TRPM3: variants seen among roughly 807,000 people sequenced by gnomAD.
TRPM3 encodes transient receptor potential cation channel subfamily M member 3.
A neutral mutation model predicts 181.2 loss-of-function variants in TRPM3; 77 were observed. The observed-to-expected ratio is 0.42, with a 90% CI of 0.35 to 0.51. TRPM3 has a LOEUF of 0.51. Among genes scored for constraint, TRPM3 ranks in the 20% least tolerant of loss-of-function variants. The pLI is 0.01. For missense variants in TRPM3, 1,759 were observed against 2,196.7 expected (o/e 0.80, Z 3.98); for synonymous variants, 745 against 796.4 (o/e 0.94, Z 1.09).
rs533313130 is a variant in TRPM3, at chr9:70,616,496, C to T, written c.2359-421G>A. Among the ~76,000 whole-genome samples, 5 of 124,026 alleles carry T rather than the reference C, an allele frequency of 4.0e-5. No homozygotes were observed. In the East Asian group the frequency reaches 7.3e-4, roughly 18 times the overall value. The allele number at this position is 124,026 out of a possible 152,430, so 81.4% of individuals were successfully genotyped here. On this transcript the variant is annotated intron_variant, in intron 17 of 25. Coordinates refer to ENST00000677713, the MANE Select transcript of TRPM3 (RefSeq NM_001366145.2). Reference sequence around the variant, plus strand: ...ATTTTGACTGTGAAATCAATTCATACATCTGTCCACTGGCATTTTTTTTTT... The same window carrying T: ...ATTTTGACTGTGAAATCAATTCATATATCTGTCCACTGGCATTTTTTTTTT...
intron 24 of TRPM3, among the ~76,000 whole-genome samples, chr9:70,552,493 C>T (rs182790666): frequency 5.3e-5 from 8 of 152,100 alleles, no homozygotes; most frequent in African/African-American, 1.9e-4. Flanking sequence ...TATAATGTAG[C>T]CTTGGGTGGC....
At position 70,535,704 on chromosome 9, in the gene TRPM3, T is replaced by A; in HGVS notation, c.*249A>T. Reference sequence around the variant, plus strand: ...TTCATCTCTAACCCTTCCTTCTCCCTCTCTTCCCCCTCCCTGCCCAGCAAG... The same window carrying A: ...TTCATCTCTAACCCTTCCTTCTCCCACTCTTCCCCCTCCCTGCCCAGCAAG... On this transcript the variant is annotated 3_prime_UTR_variant, in exon 26 of 26. Transcript: ENST00000677713. 7.0e-7 allele frequency: 1 copy of A among 1,434,452 alleles called. No homozygotes were observed. Among genetic ancestry groups the A allele is most frequent in the Non-Finnish European group, 9.1e-7 (1 of 1,101,148 alleles). The allele number at this position is 1,434,452 out of a possible 1,614,324, so 88.9% of individuals were successfully genotyped here. A position where few individuals can be genotyped will look rare whatever the true frequency, so the allele number is the denominator to read the frequency against.
In TRPM3 at chr9:71,307,602, T is replaced by C. The variant is rs1316068431; in HGVS notation, c.183+139051A>G. Among the ~76,000 whole-genome samples the C allele has an allele frequency of 3.3e-5, 5 of 152,178 alleles. 1 individual carries two copies. The highest frequency in any genetic ancestry group is 9.6e-5 in the African/African-American group (4 of 41,454). ...GTTTTTAGTGGGGGAAGAGGTTATG[T>C]GTATTATAATTAGATTTATTCAGTA... On this transcript the variant is annotated intron_variant, in intron 1 of 24. Coordinates refer to the TRPM3 transcript ENST00000357533.
intron 1 of TRPM3, among the ~76,000 whole-genome samples, chr9:71,175,113 G>A (rs2077043785): frequency 6.6e-6 from 1 of 152,186 alleles, no homozygotes; most frequent in South Asian, 2.1e-4. Context: ...AGCAGTTCCT[G>A]CAAGACTGCC....
At chr9:71,167,804 A>T (rs1424085120) in intron 1 of TRPM3, among the ~76,000 whole-genome samples, 1 of 152,268 alleles carries the variant, frequency 6.6e-6, no homozygotes, top group African/African-American at 2.4e-5. Flanking sequence ...GCACAATTTA[A>T]AAAAAATCCA....
intron 19 of TRPM3, among the ~76,000 whole-genome samples, chr9:70,605,544 G>A (rs115885204): frequency 0.018 from 2,708 of 151,188 alleles, 81 homozygotes; most frequent in African/African-American, 0.062. Flanking sequence ...AACTTCTCAT[G>A]AAGGAGTTTA....
intron 1 of TRPM3, among the ~76,000 whole-genome samples, chr9:71,219,171 A>G (rs2080085106): frequency 6.6e-6 from 1 of 152,140 alleles, no homozygotes. Context: ...CCAAACGTTA[A>G]AAGAAGGTTG....
chr9:70,688,028 C>A (rs2067433288), intron 8 of TRPM3, among the ~76,000 whole-genome samples: 1 of 152,176 alleles, frequency 6.6e-6, no homozygotes, highest in African/African-American at 2.4e-5. Context: ...CTCCTATCTA[C>A]TTCTCTTTCT....
intron 6 of TRPM3, among the ~76,000 whole-genome samples, chr9:70,792,335 G>C (rs1008642002): frequency 1.6e-4 from 25 of 151,970 alleles, no homozygotes; most frequent in African/African-American, 6.0e-4. Context: ...TGTGAGGAAG[G>C]TAAGCCAATG....
intron 1 of TRPM3, among the ~76,000 whole-genome samples, chr9:71,165,102 C>A (rs1000046705): frequency 6.6e-6 from 1 of 152,146 alleles, no homozygotes; most frequent in African/African-American, 2.4e-5. Context: ...TCAGTATAGA[C>A]CAGCCCCGGA....
intron 12 of TRPM3, among the ~76,000 whole-genome samples, chr9:70,633,258 T>C (rs1304195499): frequency 6.6e-6 from 1 of 152,210 alleles, no homozygotes; most frequent in Non-Finnish European, 1.5e-5. Flanking sequence ...GAGCAACAAC[T>C]ATCTCTCTGA....
intron 1 of TRPM3, among the ~76,000 whole-genome samples, chr9:70,898,022 C>A (rs1471508686): frequency 6.6e-6 from 1 of 152,100 alleles, no homozygotes; most frequent in South Asian, 2.1e-4. Context: ...GAATAACATC[C>A]CCGACCAGTG....
At chr9:71,087,405 T>C (rs1591313444) in intron 1 of TRPM3, among the ~76,000 whole-genome samples, 1 of 152,112 alleles carries the variant, frequency 6.6e-6, no homozygotes, top group African/African-American at 2.4e-5. Context: ...TTTTTTCCTC[T>C]TGTTCTATCA....
At chr9:70,866,692 A>G (rs1240463887) in intron 1 of TRPM3, among the ~76,000 whole-genome samples, 1 of 152,052 alleles carries the variant, frequency 6.6e-6, no homozygotes, top group Non-Finnish European at 1.5e-5. Flanking sequence ...GCCACTAACA[A>G]GATATATAGG....
At chr9:70,807,954 A>G (rs2091060978) in intron 6 of TRPM3, among the ~76,000 whole-genome samples, 2 of 152,078 alleles carry the variant, frequency 1.3e-5, no homozygotes, top group Admixed American at 6.6e-5. Flanking sequence ...GTGAGAAGAG[A>G]ATGAAATTTT....
chr9:71,426,458 G>A (rs2093865221), intron 1 of TRPM3, among the ~76,000 whole-genome samples: 2 of 151,868 alleles, frequency 1.3e-5, no homozygotes, highest in African/African-American at 4.8e-5. Context: ...AATGAGATAA[G>A]GTAGGTCACT....
intron 1 of TRPM3, among the ~76,000 whole-genome samples, chr9:71,007,503 C>G (rs1037252049): frequency 1.3e-5 from 2 of 151,810 alleles, no homozygotes; most frequent in African/African-American, 2.4e-5. Flanking sequence ...AAAAAAAAAT[C>G]AAACTCATAT....
intron 1 of TRPM3, among the ~76,000 whole-genome samples, chr9:71,188,402 A>T (rs886396002): frequency 1.3e-5 from 2 of 151,912 alleles, no homozygotes; most frequent in African/African-American, 4.8e-5. Context: ...TAGGCAGACC[A>T]CGTGCCTGTA....
chr9:71,001,116 G>T (rs1228844906), intron 1 of TRPM3, among the ~76,000 whole-genome samples: 1 of 152,174 alleles, frequency 6.6e-6, no homozygotes, highest in African/African-American at 2.4e-5. Flanking sequence ...TCATGGGTGG[G>T]TGATTAAGCT....
Sources: allele counts gnomAD v4.1 joint callset (sites outside exome capture counted in the v4.1 genomes callset), GRCh38; gene constraint gnomAD v4.1.1; transcripts MANE v1.5; gene names NCBI Gene and HGNC (gene_info 2026-07-23, HGNC 2026-07-21).